SULF2: variants seen among roughly 807,000 people sequenced by gnomAD.
SULF2 encodes the protein extracellular sulfatase Sulf-2.
A neutral mutation model predicts 107.7 loss-of-function variants in SULF2; 52 were observed. That is an observed-to-expected ratio of 0.48 (90% CI 0.39 to 0.61). The LOEUF (loss-of-function observed/expected upper bound fraction) is 0.61. Ranked by LOEUF, SULF2 falls within the 20% of genes least tolerant of loss-of-function variation. SULF2 has a pLI of 0.00. For missense variants in SULF2, 993 were observed against 1,177.3 expected (o/e 0.84, Z 2.29); for synonymous variants, 460 against 464.3 (o/e 0.99, Z 0.12).
At chr20:47,722,957 C>T (rs1201630178) in intron 3 of SULF2, among the ~76,000 whole-genome samples, 1 of 152,072 alleles carries the variant, frequency 6.6e-6, no homozygotes, top group African/African-American at 2.4e-5. Flanking sequence ...ATGCCAGCTA[C>T]TTGGGAGGCT....
At chr20:47,701,907 G>A (rs929544501) in intron 4 of SULF2, among the ~76,000 whole-genome samples, 1 of 152,112 alleles carries the variant, frequency 6.6e-6, no homozygotes, top group Admixed American at 6.5e-5. Context: ...TGGCCTACCC[G>A]GGTGCTCATT....
chr20:47,668,528 C>T (rs943916804), intron 11 of SULF2, among the ~76,000 whole-genome samples: 3 of 152,224 alleles, frequency 2.0e-5, no homozygotes, highest in African/African-American at 4.8e-5. Flanking sequence ...CATAACCCGG[C>T]GGCCAAGAGC....
At chr20:47,782,918 TC>T (rs1840818358) in intron 1 of SULF2, among the ~76,000 whole-genome samples, 1 of 152,218 alleles carries the variant, frequency 6.6e-6, no homozygotes, top group Non-Finnish European at 1.5e-5. Flanking sequence ...ATGTGTTTCT[TC>T]TACATCTGGG....
At chr20:47,724,265 C>A (rs942906721) in intron 3 of SULF2, among the ~76,000 whole-genome samples, 9 of 152,214 alleles carry the variant, frequency 5.9e-5, no homozygotes, top group African/African-American at 1.9e-4. Context: ...GAAGGAATGG[C>A]CAGTTGCTGG....
At chr20:47,711,874 G>A (rs1166903141) in intron 3 of SULF2, among the ~76,000 whole-genome samples, 4 of 151,886 alleles carry the variant, frequency 2.6e-5, no homozygotes, top group Admixed American at 6.6e-5. Flanking sequence ...ATATACACAC[G>A]AGTGAATACA....
chr20:47,702,380 G>A, intron 4 of SULF2, 139 bp downstream of exon 4: 2 of 917,196 alleles, frequency 2.2e-6, no homozygotes, highest in Non-Finnish European at 1.6e-6. Flanking sequence ...AAACTGAGGA[G>A]GAGGTGTATG....
intron 2 of SULF2, among the ~76,000 whole-genome samples, chr20:47,756,857 G>A (rs142556886): frequency 1.1e-4 from 16 of 152,254 alleles, no homozygotes; most frequent in African/African-American, 3.6e-4. Flanking sequence ...CGTTGGCCAG[G>A]CTGGTCTCGA....
Position 47,762,819 on chromosome 20 carries a change from A to C in SULF2, c.-100-5356T>G, listed in dbSNP as rs112360174. ...CCATGTTGGTTTCAGAGCACCCCCC[A>C]CTCCTGGGCGGCTATCACCCGCTCT... On this transcript the variant is annotated intron_variant, in intron 1 of 20. Transcript: ENST00000688720. Among the ~76,000 whole-genome samples the C allele has an allele frequency of 5.8e-3, 884 of 151,942 alleles. 12 individuals carry two copies. Among genetic ancestry groups the C allele is most frequent in the African/African-American group, 0.021 (853 of 41,408 alleles).
chr20:47,767,863 C>G (rs963615023), intron 1 of SULF2, among the ~76,000 whole-genome samples: 2 of 150,774 alleles, frequency 1.3e-5, no homozygotes, highest in African/African-American at 4.9e-5. Context: ...GAGCTGAGAT[C>G]ACGCCACTGC....
At chr20:47,761,610 G>C (rs10211688) in intron 1 of SULF2, among the ~76,000 whole-genome samples, 1 of 152,096 alleles carries the variant, frequency 6.6e-6, no homozygotes, top group Non-Finnish European at 1.5e-5. Context: ...GCGTGCCCTC[G>C]CGCTCGCACT....
At chr20:47,726,505 G>T (rs1447065949) in intron 3 of SULF2, among the ~76,000 whole-genome samples, 1 of 152,162 alleles carries the variant, frequency 6.6e-6, no homozygotes, top group East Asian at 1.9e-4. Context: ...CCAGCCATAG[G>T]CTCTATTCTC....
intron 1 of SULF2, among the ~76,000 whole-genome samples, chr20:47,783,184 A>G (rs1476702526): frequency 6.6e-6 from 1 of 152,102 alleles, no homozygotes; most frequent in Non-Finnish European, 1.5e-5. Flanking sequence ...CTTAAGTGTT[A>G]CCAATTATCT....
chr20:47,684,686 G>C, intron 5 of SULF2, 105 bp from the exon 6 acceptor site: 1 of 1,145,776 alleles, frequency 8.7e-7, no homozygotes, highest in Non-Finnish European at 1.2e-6. Flanking sequence ...TGCTGTGTCT[G>C]CAGCCCAGGG....
intron 14 of SULF2, among the ~76,000 whole-genome samples, chr20:47,664,958 G>T (rs145771898): frequency 3.3e-5 from 5 of 152,212 alleles, no homozygotes; most frequent in Admixed American, 3.3e-4. Context: ...CCGGCTCTGC[G>T]CAGCCAGCAC....
chr20:47,695,462 C>A (rs978667678), intron 4 of SULF2, among the ~76,000 whole-genome samples: 7 of 152,172 alleles, frequency 4.6e-5, no homozygotes, highest in African/African-American at 1.4e-4. Flanking sequence ...CTCAGCCCTG[C>A]CAACCACCAT....
chr20:47,661,973 A>G (rs1302233264), intron 17 of SULF2, 77 bp from the exon 18 acceptor site: 1 of 1,356,266 alleles, frequency 7.4e-7, no homozygotes, highest in Non-Finnish European at 9.6e-7. Flanking sequence ...ACCAGGGGAC[A>G]TATTTCAGGC....
At chr20:47,660,844 A>C (rs527830945) in intron 18 of SULF2, among the ~76,000 whole-genome samples, 2 of 152,148 alleles carry the variant, frequency 1.3e-5, no homozygotes, top group East Asian at 1.9e-4. Flanking sequence ...GTCCTGTCCC[A>C]AACAAAACTC....
chr20:47,703,573 C>A (rs1394422075), intron 3 of SULF2, among the ~76,000 whole-genome samples: 1 of 152,198 alleles, frequency 6.6e-6, no homozygotes, highest in African/African-American at 2.4e-5. Context: ...GCTGCCCCAA[C>A]CGGTCCAACC....
Position 47,672,180 on chromosome 20 carries a change from C to A in SULF2, c.1576+18G>T. On this transcript the variant is annotated intron_variant, in intron 11 of 20. Coordinates refer to ENST00000688720, the MANE Select transcript of SULF2 (RefSeq NM_001387048.1). The stretch of plus-strand genomic sequence containing the variant: ...GTCTCTCTCCTCCTGTCCCACTCAG[C>A]CAGGTTGTGACACTTACTCTTCTTG... The A allele has an allele frequency of 6.3e-7, 1 of 1,590,012 alleles. No homozygotes were observed. The highest frequency in any genetic ancestry group is 8.6e-7 in the Non-Finnish European group (1 of 1,163,066).
Sources: gnomAD v4.1 joint callset for allele counts (sites outside exome capture counted in the v4.1 genomes callset) on GRCh38, gnomAD v4.1.1 for gene constraint, MANE v1.5 for transcripts, NCBI Gene and HGNC (gene_info 2026-07-23, HGNC 2026-07-21) for gene names.